Variants in NR6A1 observed in about 807,000 individuals in gnomAD.
The protein encoded by NR6A1 is retinoic acid receptor-related testis-associated receptor.
A neutral mutation model predicts 59.1 loss-of-function variants in NR6A1; 7 were observed. That is an observed-to-expected ratio of 0.12 (90% CI 0.07 to 0.22). The LOEUF is 0.22. NR6A1 is among the 10% of genes least tolerant of loss of function. NR6A1 has a pLI of 1.00. For missense variants in NR6A1, 468 were observed against 611.6 expected (o/e 0.77, Z 2.48); for synonymous variants, 243 against 236.1 (o/e 1.03, Z -0.27).
intron 2 of NR6A1, among the ~76,000 whole-genome samples, chr9:124,706,258 A>T (rs967786838): frequency 5.3e-5 from 8 of 152,246 alleles, no homozygotes; most frequent in Admixed American, 1.3e-4. Context: ...TAGTAATAAA[A>T]TGGTATAATC....
At chr9:124,751,378 T>C (rs1314021539) in intron 1 of NR6A1, among the ~76,000 whole-genome samples, 1 of 152,234 alleles carries the variant, frequency 6.6e-6, no homozygotes, top group East Asian at 1.9e-4. Flanking sequence ...GTGTGTGATT[T>C]ACAATTTAAA....
intron 1 of NR6A1, among the ~76,000 whole-genome samples, chr9:124,761,921 C>T (rs1403345169): frequency 1.3e-5 from 2 of 152,182 alleles, no homozygotes; most frequent in East Asian, 3.8e-4. Flanking sequence ...AAAGCTTTAT[C>T]AGAGAACTCA....
intron 2 of NR6A1, among the ~76,000 whole-genome samples, chr9:124,609,318 T>C (rs1400374536): frequency 1.3e-5 from 2 of 152,228 alleles, no homozygotes; most frequent in African/African-American, 4.8e-5. Context: ...GTTTCAATTT[T>C]CTGCATATGA....
chr9:124,704,986 T>G (rs1215507162), intron 2 of NR6A1, among the ~76,000 whole-genome samples: 3 of 152,232 alleles, frequency 2.0e-5, no homozygotes, highest in African/African-American at 7.2e-5. Flanking sequence ...TCCGCCCACC[T>G]TGGCCTCCCA....
Position 124,743,417 on chromosome 9 carries a change from TA to T in NR6A1, c.101-10069del. Among the ~76,000 whole-genome samples, 2 of 152,250 alleles carry T rather than the reference TA, an allele frequency of 1.3e-5. 1 individual carries two copies. Among genetic ancestry groups the T allele is most frequent in the South Asian group, 4.1e-4 (2 of 4,832 alleles). On this transcript the variant is annotated intron_variant, in intron 1 of 9. Coordinates refer to ENST00000487099, the MANE Select transcript of NR6A1 (RefSeq NM_033334.4). ...CCTACAAATGTCATGGTCACATTTT[TA>T]AAAGTGCAACAAAAACAATACCCTT...
At chr9:124,607,051 G>A (rs1835594406) in intron 2 of NR6A1, 1 of 152,118 alleles carries the variant, frequency 6.6e-6, no homozygotes, top group South Asian at 2.1e-4. Context: ...CCAGCACAAG[G>A]GACAATAAAA....
intron 2 of NR6A1, among the ~76,000 whole-genome samples, chr9:124,633,200 C>T (rs921564978): frequency 1.3e-5 from 2 of 151,812 alleles, no homozygotes; most frequent in East Asian, 1.9e-4. Flanking sequence ...GTCAGGAGAT[C>T]GAGACCATCC....
intron 2 of NR6A1, among the ~76,000 whole-genome samples, chr9:124,575,798 G>C (rs1834573407): frequency 6.6e-6 from 1 of 152,054 alleles, no homozygotes; most frequent in Non-Finnish European, 1.5e-5. Flanking sequence ...ACATGTACTT[G>C]GAATATAGTA....
intron 2 of NR6A1, among the ~76,000 whole-genome samples, chr9:124,645,799 A>T (rs1836914468): frequency 6.6e-6 from 1 of 152,226 alleles, no homozygotes; most frequent in South Asian, 2.1e-4. Context: ...TACTTCATCC[A>T]ATTCAATAGC....
chr9:124,627,882 C>CTTTT (rs59874800), intron 2 of NR6A1, among the ~76,000 whole-genome samples: 13 of 83,778 alleles, frequency 1.6e-4, no homozygotes, highest in South Asian at 1.0e-3. Flanking sequence ...CTGAGATTTT[C>CTTTT]TTTTTTTTTT....
At position 124,641,078 on chromosome 9, in the gene NR6A1, G is replaced by A. The variant is rs371912739; in HGVS notation, c.143-86508C>T. Among the ~76,000 whole-genome samples the A allele has an allele frequency of 5.9e-5, 9 of 152,312 alleles. No homozygotes were observed. In the East Asian group the frequency reaches 1.5e-3, roughly 26 times the overall value. ...TAAATAAAACACAAAGTCGCCGGGTGCAGTGTCTCACACCTGTAATCCCAG... is the reference window on the plus strand; with the variant it reads ...TAAATAAAACACAAAGTCGCCGGGTACAGTGTCTCACACCTGTAATCCCAG... On this transcript the variant is annotated intron_variant, in intron 2 of 9. Coordinates refer to ENST00000487099, the MANE Select transcript of NR6A1 (RefSeq NM_033334.4).
intron 2 of NR6A1, among the ~76,000 whole-genome samples, chr9:124,669,393 C>A (rs1837720110): frequency 6.6e-6 from 1 of 152,124 alleles, no homozygotes; most frequent in Non-Finnish European, 1.5e-5. Context: ...ACTTACTGAA[C>A]AACTTTGTTT....
chr9:124,696,000 T>C (rs1436518235), intron 2 of NR6A1, among the ~76,000 whole-genome samples: 1 of 152,120 alleles, frequency 6.6e-6, no homozygotes, highest in African/African-American at 2.4e-5. Context: ...TTAAAGGGTG[T>C]TTTCTGCAGA....
At chr9:124,759,022 T>C (rs537217804) in intron 1 of NR6A1, among the ~76,000 whole-genome samples, 2 of 152,214 alleles carry the variant, frequency 1.3e-5, no homozygotes, top group South Asian at 2.1e-4. Context: ...GCATAAAGTA[T>C]CTCCTGGGCC....
intron 8 of NR6A1, 79 bp downstream of exon 8, chr9:124,526,700 A>C: frequency 6.3e-7 from 1 of 1,581,174 alleles, no homozygotes; most frequent in Non-Finnish European, 8.6e-7. Flanking sequence ...GAGGGTAAGG[A>C]GGGGTGAAAC....
At chr9:124,546,240 C>T (rs1170343714) in intron 3 of NR6A1, among the ~76,000 whole-genome samples, 1 of 152,114 alleles carries the variant, frequency 6.6e-6, no homozygotes, top group East Asian at 1.9e-4. Flanking sequence ...GTATTAGTAT[C>T]ACTCCCATTG....
intron 2 of NR6A1, among the ~76,000 whole-genome samples, chr9:124,575,894 C>A (rs7032937): frequency 0.58 from 88,341 of 151,996 alleles, 26,563 homozygotes; most frequent in African/African-American, 0.75. Flanking sequence ...AAATGAGGAC[C>A]ATTACTTTAC....
chr9:124,522,539 A>G lies in NR6A1; in HGVS notation c.*166T>C. The G allele has an allele frequency of 2.0e-6, 1 of 505,990 alleles. No homozygotes were observed. The highest frequency in any genetic ancestry group is 3.6e-6 in the Non-Finnish European group (1 of 278,102). The allele number at this position is 505,990 out of a possible 1,614,324, so 31.3% of individuals were successfully genotyped here. A position where few individuals can be genotyped will look rare whatever the true frequency, so the allele number is the denominator to read the frequency against. ...TGTCGTGAAATAAATATATAGAAAA[A>G]TGAGGTTAAAAAAACAGACAAACAA... On this transcript the variant is annotated 3_prime_UTR_variant, in exon 10 of 10. Transcript: ENST00000487099.
At chr9:124,640,164 T>G (rs1278312282) in intron 2 of NR6A1, among the ~76,000 whole-genome samples, 1 of 152,194 alleles carries the variant, frequency 6.6e-6, no homozygotes, top group Non-Finnish European at 1.5e-5. Flanking sequence ...GGAATGAAAT[T>G]CTGAGATGGA....
Sources: allele counts gnomAD v4.1 joint callset (sites outside exome capture counted in the v4.1 genomes callset), GRCh38; gene constraint gnomAD v4.1.1; transcripts MANE v1.5; gene names NCBI Gene and HGNC (gene_info 2026-07-23, HGNC 2026-07-21).